Variants in CLIP1 observed in about 807,000 individuals in gnomAD.
CLIP1 encodes the protein CAP-Gly domain-containing linker protein 1.
A neutral mutation model predicts 161.6 loss-of-function variants in CLIP1; 66 were observed. The ratio of observed to expected loss-of-function variants is 0.41; its 90% CI spans 0.33 to 0.50. CLIP1 has a LOEUF of 0.50. CLIP1 is among the 20% of genes least tolerant of loss of function. The probability of loss-of-function intolerance (pLI) is 0.27; values close to 1 mark genes in which losing one functional copy is unlikely to be tolerated. For synonymous variants in CLIP1, 598 were observed against 626.2 expected (o/e 0.96, Z 0.67); for missense variants, 1,376 against 1,702.0 (o/e 0.81, Z 3.37).
chr12:122,325,757 G>T (rs1226386264), intron 17 of CLIP1, among the ~76,000 whole-genome samples: 1 of 152,104 alleles, frequency 6.6e-6, no homozygotes, highest in East Asian at 1.9e-4. Context: ...AGGCTCAAAG[G>T]ATTCTCCTGC....
intron 1 of CLIP1, among the ~76,000 whole-genome samples, chr12:122,407,209 T>C (rs1956356573): frequency 6.6e-6 from 1 of 152,208 alleles, no homozygotes; most frequent in South Asian, 2.1e-4. Context: ...CAGAAGAGAC[T>C]GTAGCAATCT....
intron 20 of CLIP1, among the ~76,000 whole-genome samples, chr12:122,303,408 A>C (rs1013190058): frequency 6.6e-6 from 1 of 151,894 alleles, no homozygotes; most frequent in Non-Finnish European, 1.5e-5. Flanking sequence ...AGTTTCCCCC[A>C]ACACCCTTCC....
At chr12:122,419,584 T>C (rs549612388) in intron 1 of CLIP1, among the ~76,000 whole-genome samples, 1 of 151,800 alleles carries the variant, frequency 6.6e-6, no homozygotes, top group East Asian at 1.9e-4. Context: ...CATAAGAGAA[T>C]CAACTCATCT....
chr12:122,369,365 C>A (rs572052831), intron 3 of CLIP1, among the ~76,000 whole-genome samples: 1 of 152,028 alleles, frequency 6.6e-6, no homozygotes, highest in East Asian at 1.9e-4. Context: ...CAGTGAAGGG[C>A]CAGTTCACCT....
chr12:122,408,557 C>A (rs930330155), intron 1 of CLIP1, among the ~76,000 whole-genome samples: 2 of 151,924 alleles, frequency 1.3e-5, no homozygotes, highest in Non-Finnish European at 2.9e-5. Flanking sequence ...ACCGTGTTAG[C>A]CAGGATGGTC....
At chr12:122,412,311 G>T (rs1956568085) in intron 1 of CLIP1, among the ~76,000 whole-genome samples, 1 of 149,778 alleles carries the variant, frequency 6.7e-6, no homozygotes, top group Admixed American at 6.6e-5. Flanking sequence ...CTCCCAAAGT[G>T]CTGGGATTAC....
At chr12:122,417,510 CTTTTTTTT>C (rs35179677) in intron 1 of CLIP1, among the ~76,000 whole-genome samples, 8 of 104,802 alleles carry the variant, frequency 7.6e-5, no homozygotes, top group Non-Finnish European at 1.6e-4. Context: ...ATTATTCTGC[CTTTTTTTT>C]TTTTTTTTTT....
chr12:122,319,741 A>T (rs537739119), intron 17 of CLIP1, among the ~76,000 whole-genome samples: 1 of 152,224 alleles, frequency 6.6e-6, no homozygotes, highest in Non-Finnish European at 1.5e-5. Context: ...ATTTATTATT[A>T]TAAGTTTAAA....
At chr12:122,302,754 G>A (rs568560946) in intron 20 of CLIP1, among the ~76,000 whole-genome samples, 1 of 151,878 alleles carries the variant, frequency 6.6e-6, no homozygotes, top group East Asian at 1.9e-4. Context: ...GCACCACCAC[G>A]CCTGGCTAAT....
In CLIP1 at chr12:122,360,973, T is replaced by G; in HGVS notation, c.991A>C (p.Ser331Arg). 1 of 1,613,046 alleles carries G rather than the reference T, an allele frequency of 6.2e-7. No homozygotes were observed. Among genetic ancestry groups the G allele is most frequent in the Middle Eastern group, 1.7e-4 (1 of 6,060 alleles). The change falls in exon 5 of 26, where the codon AGT becomes CGT. Residue 331 changes from serine (S) to arginine (R), a missense_variant. By Grantham distance (110) the Ser-to-Arg change is moderately radical. Transcript: ENST00000620786. The stretch of plus-strand genomic sequence containing the variant: ...AGGGGCCTTACTAGTCCTGTCCGAC[T>G]GGGCCTGCTGCTCACAGAGGAGGCC... ...SVASSVSSRP[S>R]RTGLLTETSS...
At chr12:122,307,762 G>A (rs1950925747) in intron 20 of CLIP1, among the ~76,000 whole-genome samples, 1 of 152,104 alleles carries the variant, frequency 6.6e-6, no homozygotes, top group Non-Finnish European at 1.5e-5. Context: ...TACTTTAAAC[G>A]GGTGGCTCAC....
intron 15 of CLIP1, among the ~76,000 whole-genome samples, chr12:122,329,552 C>T (rs1951854433): frequency 6.6e-6 from 1 of 150,820 alleles, no homozygotes; most frequent in Admixed American, 6.6e-5. Flanking sequence ...ATGGCGTGAA[C>T]CTGGGAGGTG....
Position 122,334,694 on chromosome 12 carries a change from A to C in CLIP1, c.2580T>G (p.Phe860Leu), listed in dbSNP as rs775235994. ...EKELQILKEK[F>L]AEASEEAVSV... Reference sequence around the variant, plus strand: ...AGACTGCCTCCTCTGAAGCTTCAGCAAACTTTTCTTTCTAAAGAAAAAGAA... The same window carrying C: ...AGACTGCCTCCTCTGAAGCTTCAGCCAACTTTTCTTTCTAAAGAAAAAGAA... The change falls in exon 13 of 26, where the codon TTT becomes TTG. Residue 860 changes from phenylalanine to leucine, a missense_variant. By Grantham distance (22) the Phe-to-Leu change is conservative. Coordinates refer to ENST00000620786, the MANE Select transcript of CLIP1 (RefSeq NM_001247997.2). 14 of 1,578,484 alleles carry C rather than the reference A, an allele frequency of 8.9e-6. No homozygotes were observed. The East Asian group carries it at 3.2e-4, about 36-fold the overall frequency.
At chr12:122,335,453 G>A (rs1952173039) in intron 12 of CLIP1, among the ~76,000 whole-genome samples, 1 of 151,788 alleles carries the variant, frequency 6.6e-6, no homozygotes, top group African/African-American at 2.4e-5. Context: ...AAAAAAAAAG[G>A]CAAGGCATCC....
chr12:122,314,409 C>T (rs1239049129), intron 19 of CLIP1, among the ~76,000 whole-genome samples: 1 of 151,922 alleles, frequency 6.6e-6, no homozygotes, highest in Non-Finnish European at 1.5e-5. Flanking sequence ...AGGCAGAGGT[C>T]GTGGTGAGCA....
At chr12:122,402,636 TGTG>T (rs1310209129) in intron 1 of CLIP1, among the ~76,000 whole-genome samples, 1 of 152,134 alleles carries the variant, frequency 6.6e-6, no homozygotes, top group African/African-American at 2.4e-5. Flanking sequence ...ATTAGTCGGA[TGTG>T]GTGGTGGGCA....
chr12:122,324,974 T>A (rs192006890), intron 17 of CLIP1, among the ~76,000 whole-genome samples: 6 of 152,262 alleles, frequency 3.9e-5, no homozygotes, highest in African/African-American at 1.2e-4. Flanking sequence ...AATAGTTTTT[T>A]TTTTTTATTT....
Position 122,351,159 on chromosome 12 carries a change from T to A in CLIP1, c.1369-16A>T, listed in dbSNP as rs535126960. 37 of 1,433,478 alleles carry A rather than the reference T, an allele frequency of 2.6e-5. No individual in the cohort carries two copies. The South Asian group carries it at 4.3e-4, about 17-fold the overall frequency. The allele number at this position is 1,433,478 out of a possible 1,614,324, so 88.8% of individuals were successfully genotyped here. A position where few individuals can be genotyped will look rare whatever the true frequency, so the allele number is the denominator to read the frequency against. On this transcript the variant is annotated splice_polypyrimidine_tract_variant and intron_variant, in intron 8 of 25. Transcript: ENST00000620786. Reference sequence around the variant, plus strand: ...GGCTCTTTTGCTATCAGTAAAAAAATAAAAAAAATTAAACAACAACAAAAA... The same window carrying A: ...GGCTCTTTTGCTATCAGTAAAAAAAAAAAAAAAATTAAACAACAACAAAAA...
At chr12:122,351,367 A>G (rs1953028158) in intron 8 of CLIP1, among the ~76,000 whole-genome samples, 1 of 152,238 alleles carries the variant, frequency 6.6e-6, no homozygotes. Flanking sequence ...TGAAACTTCT[A>G]ATGAGACTTT....
Sources: gnomAD v4.1 joint callset for allele counts (sites outside exome capture counted in the v4.1 genomes callset) on GRCh38, gnomAD v4.1.1 for gene constraint, MANE v1.5 for transcripts, NCBI Gene and HGNC (gene_info 2026-07-23, HGNC 2026-07-21) for gene names.